EIF2AK4: variants seen among roughly 807,000 people sequenced by gnomAD.
EIF2AK4 encodes eIF-2-alpha kinase GCN2.
A neutral mutation model predicts 211.1 loss-of-function variants in EIF2AK4; 139 were observed. That is an observed-to-expected ratio of 0.66 (90% CI 0.57 to 0.76). The LOEUF is 0.76. EIF2AK4 is among the 30% of genes least tolerant of loss of function. EIF2AK4 has a pLI of 0.00. For missense variants in EIF2AK4, 1,664 were observed against 2,043.8 expected (o/e 0.81, Z 3.58); for synonymous variants, 710 against 751.3 (o/e 0.94, Z 0.90).
At chr15:39,986,892 AGT>A (rs751271900) in intron 14 of EIF2AK4, among the ~76,000 whole-genome samples, 20 of 151,860 alleles carry the variant, frequency 1.3e-4, no homozygotes, top group Non-Finnish European at 2.6e-4. Context: ...AAAACAAAGA[AGT>A]CTTTCCTCTG....
chr15:40,015,819 A>G (rs2035296232), intron 27 of EIF2AK4, among the ~76,000 whole-genome samples: 1 of 152,140 alleles, frequency 6.6e-6, no homozygotes, highest in Non-Finnish European at 1.5e-5. Context: ...AATAATTTCT[A>G]CTTTAGCTCC....
At chr15:39,950,355 GGA>G (rs1225808117) in intron 4 of EIF2AK4, among the ~76,000 whole-genome samples, 1 of 152,108 alleles carries the variant, frequency 6.6e-6, no homozygotes, top group Non-Finnish European at 1.5e-5. Flanking sequence ...CAGGACTTTG[GGA>G]TGAGGCAGGT....
intron 27 of EIF2AK4, 145 bp downstream of exon 27, chr15:40,011,491 C>G (rs2035235014): frequency 3.2e-6 from 2 of 622,378 alleles, no homozygotes; most frequent in Admixed American, 5.6e-5. Flanking sequence ...GTGTTAGGTA[C>G]CATGGCAACC....
chr15:39,949,186 C>T lies in EIF2AK4; in HGVS notation c.431C>T (p.Ser144Phe). 1 of 1,614,104 alleles carries T rather than the reference C, an allele frequency of 6.2e-7. No individual in the cohort carries two copies. ...LSEHNKPPPK[S>F]FHEEMLERRA... ...GAGCATAACAAGCCCCCTCCCAAGT[C>T]TTTTCATGAAGAAATGCTGGAAAGG... is the stretch of plus-strand genomic sequence containing the variant. Residue 144 changes from serine to phenylalanine, a missense_variant, in exon 4 of 39, where the codon TCT (serine) becomes TTT (phenylalanine). Coordinates refer to ENST00000263791, the MANE Select transcript of EIF2AK4 (RefSeq NM_001013703.4).
chr15:40,034,777 T>C (rs899090681), intron 38 of EIF2AK4, among the ~76,000 whole-genome samples: 1 of 152,184 alleles, frequency 6.6e-6, no homozygotes, highest in African/African-American at 2.4e-5. Flanking sequence ...CAATCAATCA[T>C]TCATGTTATC....
At chr15:39,975,609 G>T (rs2034683234) in intron 11 of EIF2AK4, among the ~76,000 whole-genome samples, 1 of 152,234 alleles carries the variant, frequency 6.6e-6, no homozygotes. Context: ...TAGTGAAACT[G>T]CCTGGCATAA....
rs143220099 is a variant in EIF2AK4 at position 39,955,896 on chromosome 15, ATCTT to A, written c.743+129_743+132del. On this transcript the variant is annotated intron_variant, in intron 6 of 38. Coordinates refer to ENST00000263791, the MANE Select transcript of EIF2AK4 (RefSeq NM_001013703.4). ...TAATAACTTTTTTCAAACCTTATAT[ATCTT>A]AATATATTAGCAATATATTAGGTGT... The A allele has an allele frequency of 0.053, 46,922 of 889,190 alleles. 2,606 individuals carry two copies. The highest frequency in any genetic ancestry group is 0.23 in the East Asian group (7,620 of 32,542). 55.1% of individuals were successfully genotyped at this position (889,190 alleles called of 1,614,324 possible).
Position 39,939,611 on chromosome 15 carries a change from C to T in EIF2AK4, c.251C>T (p.Pro84Leu). ...DLRVKCPPTY[P>L]DVVPEIELKN... Reference sequence around the variant, plus strand: ...AGGGTTAAATGCCCACCTACCTATCCAGATGTGTGAGTACATTTATAAATA... The same window carrying T: ...AGGGTTAAATGCCCACCTACCTATCTAGATGTGTGAGTACATTTATAAATA... The change falls in exon 2 of 39, where the codon CCA becomes CTA. Residue 84 changes from proline to leucine, a missense_variant. This residue lies in a region of EIF2AK4 where 641 missense variants were observed against 729.6 expected (regional missense o/e 0.88). Coordinates refer to ENST00000263791, the MANE Select transcript of EIF2AK4 (RefSeq NM_001013703.4). 6.2e-7 allele frequency: 1 copy of T among 1,604,596 alleles called. No homozygotes were observed. The highest frequency in any genetic ancestry group is 8.5e-7 in the Non-Finnish European group (1 of 1,174,270).
At chr15:39,963,011 C>T (rs1405230946) in intron 7 of EIF2AK4, among the ~76,000 whole-genome samples, 1 of 152,112 alleles carries the variant, frequency 6.6e-6, no homozygotes, top group Non-Finnish European at 1.5e-5. Flanking sequence ...GATCTTTTCC[C>T]CTTCCTCTTT....
Position 40,022,763 on chromosome 15 carries a change from T to A in EIF2AK4, c.4389+158T>A, listed in dbSNP as rs577654895. 2.6e-5 allele frequency among the ~76,000 whole-genome samples: 4 copies of A among 151,256 alleles called. No homozygotes were observed. In the South Asian group the frequency reaches 6.3e-4, roughly 24 times the overall value. ...TTTCTTTTTTTTTTTTGAGACGGAG[T>A]CTCGCTGTCTCCCAGGCTGGAGTGC... On this transcript the variant is annotated intron_variant, in intron 32 of 38. Transcript: ENST00000263791.
At chr15:40,015,647 A>C (rs1449710713) in intron 27 of EIF2AK4, among the ~76,000 whole-genome samples, 1 of 152,162 alleles carries the variant, frequency 6.6e-6, no homozygotes, top group Admixed American at 6.5e-5. Flanking sequence ...AGGTTTTAAC[A>C]TTTTTTGGGT....
chr15:39,971,773 TACTTAGACTTTA>T (rs1315996050), intron 9 of EIF2AK4, among the ~76,000 whole-genome samples: 5 of 152,148 alleles, frequency 3.3e-5, no homozygotes, highest in Non-Finnish European at 5.9e-5. Context: ...ACAGTTTAAC[TACTTAGACTTTA>T]ACTTAGACTT....
At chr15:39,961,633 G>T (rs775553574) in intron 6 of EIF2AK4, 151 bp from the exon 7 acceptor site, 19 of 596,306 alleles carry the variant, frequency 3.2e-5, no homozygotes, top group Admixed American at 2.1e-4. Context: ...AGAAACAGAT[G>T]TTAGACTGCG....
intron 1 of EIF2AK4, among the ~76,000 whole-genome samples, chr15:39,935,337 C>CTT (rs374581386): frequency 1.4e-4 from 21 of 145,014 alleles, no homozygotes; most frequent in East Asian, 2.0e-4. Context: ...ACTTCATCTG[C>CTT]TTTTTTTTTT....
intron 33 of EIF2AK4, among the ~76,000 whole-genome samples, chr15:40,026,864 C>T (rs975231089): frequency 2.6e-5 from 4 of 151,810 alleles, no homozygotes; most frequent in Non-Finnish European, 5.9e-5. Context: ...TTAAATTGAC[C>T]CAGCAATTCC....
At chr15:39,938,226 A>G (rs886966733) in intron 1 of EIF2AK4, among the ~76,000 whole-genome samples, 1 of 152,238 alleles carries the variant, frequency 6.6e-6, no homozygotes, top group Non-Finnish European at 1.5e-5. Context: ...TGCCTGACAC[A>G]GAGTCAGTGC....
rs1356367289 is a variant in EIF2AK4, at chr15:40,009,767, A to G, written c.3693+37A>G. 5 of 1,311,720 alleles carry G rather than the reference A, an allele frequency of 3.8e-6. No individual in the cohort carries two copies. The African/African-American group carries it at 5.9e-5, about 16-fold the overall frequency. The allele number at this position is 1,311,720 out of a possible 1,614,324, so 81.3% of individuals were successfully genotyped here. ...ATTACTTATGATGTTGAAAGATAAT[A>G]CCTTGATGTTGAAAGATAATAATAA... On this transcript the variant is annotated intron_variant, in intron 26 of 38. Coordinates refer to ENST00000263791, the MANE Select transcript of EIF2AK4 (RefSeq NM_001013703.4).
intron 16 of EIF2AK4, 113 bp downstream of exon 16, chr15:39,990,490 C>G (rs569518142): frequency 2.3e-6 from 2 of 885,822 alleles, no homozygotes; most frequent in Non-Finnish European, 3.6e-6. Flanking sequence ...GTCTAATCCT[C>G]AGGAGATTAT....
rs748475329 is a variant in EIF2AK4, at chr15:39,997,026, G to C, written c.2829G>C (p.Thr943=). The part of the protein sequence containing the change: ...FFEMSYHPMV[T]ASERIFVLNQ... ...AGATGTCCTATCACCCCATGGTCAC[G>C]GCTTCAGAAAGGATCTTTGTTCTCA... The change falls in exon 19 of 39, where the codon ACG becomes ACC. Residue 943 remains threonine (T), a synonymous_variant. Transcript: ENST00000263791. The C allele has an allele frequency of 6.2e-7, 1 of 1,613,952 alleles. No individual in the cohort carries two copies. The highest frequency in any genetic ancestry group is 1.1e-5 in the South Asian group (1 of 91,072).
Sources: gnomAD v4.1 joint callset for allele counts (sites outside exome capture counted in the v4.1 genomes callset) on GRCh38, gnomAD v4.1.1 for gene constraint, gnomAD v4.1.1 regional missense constraint, MANE v1.5 for transcripts, NCBI Gene and HGNC (gene_info 2026-07-23, HGNC 2026-07-21) for gene names.